RBFOX1: variants seen among roughly 807,000 people sequenced by gnomAD.
RBFOX1 encodes the protein RNA binding fox-1 homolog 1, also known as RNA binding protein fox-1 homolog 1.
A neutral mutation model predicts 57.7 loss-of-function variants in RBFOX1; 8 were observed. The observed-to-expected ratio is 0.14, with a 90% CI of 0.08 to 0.25. The LOEUF is 0.25. Among genes scored for constraint, RBFOX1 ranks in the 10% least tolerant of loss-of-function variants. The pLI, the probability that RBFOX1 is intolerant of heterozygous loss-of-function variation, is 1.00. For synonymous variants in RBFOX1, 326 were observed against 222.4 expected (o/e 1.47, Z -4.15); for missense variants, 611 against 548.5 (o/e 1.11, Z -1.14).
intron 1 of RBFOX1, among the ~76,000 whole-genome samples, chr16:6,246,636 T>C (rs933058173): frequency 2.0e-5 from 3 of 152,146 alleles, no homozygotes; most frequent in African/African-American, 7.2e-5. Flanking sequence ...TGAGAAAATA[T>C]GCCAGGATGC....
intron 2 of RBFOX1, among the ~76,000 whole-genome samples, chr16:6,440,147 G>C (rs2094346271): frequency 6.6e-6 from 1 of 151,892 alleles, no homozygotes; most frequent in Non-Finnish European, 1.5e-5. Context: ...ATGTTGGCCA[G>C]GCTGGTCTTG....
At chr16:5,289,310 T>C in intron 1 of RBFOX1, 2 of 411,916 alleles carry the variant, frequency 4.9e-6, no homozygotes, top group South Asian at 3.0e-5. Flanking sequence ...ATGGTCAGCC[T>C]CATTCCAGGA....
At chr16:6,844,358 C>A (rs2093648548) in intron 3 of RBFOX1, among the ~76,000 whole-genome samples, 1 of 152,094 alleles carries the variant, frequency 6.6e-6, no homozygotes. Flanking sequence ...TTTCCTTCCC[C>A]TCAGCAGATC....
At chr16:5,580,946 A>C (rs2046644358) in intron 2 of RBFOX1, among the ~76,000 whole-genome samples, 1 of 152,246 alleles carries the variant, frequency 6.6e-6, no homozygotes, top group African/African-American at 2.4e-5. Flanking sequence ...TGACAGGCTA[A>C]GGCAAGGGAA....
chr16:6,652,996 C>A (rs1054358150), intron 2 of RBFOX1, among the ~76,000 whole-genome samples: 1 of 152,118 alleles, frequency 6.6e-6, no homozygotes, highest in South Asian at 2.1e-4. Context: ...ATCTCATTCC[C>A]CTTTATTTTC....
intron 4 of RBFOX1, among the ~76,000 whole-genome samples, chr16:7,192,325 G>T (rs932082145): frequency 6.6e-6 from 1 of 152,134 alleles, no homozygotes; most frequent in African/African-American, 2.4e-5. Context: ...CAGTGGAGAG[G>T]TTCCATCTAA....
At chr16:7,381,855 G>C (rs909419205) in intron 4 of RBFOX1, among the ~76,000 whole-genome samples, 2 of 152,082 alleles carry the variant, frequency 1.3e-5, no homozygotes, top group Non-Finnish European at 2.9e-5. Flanking sequence ...GTGCTTTGTT[G>C]GGCATTTGGT....
chr16:6,999,811 C>T (rs1375443274), intron 3 of RBFOX1, among the ~76,000 whole-genome samples: 1 of 151,992 alleles, frequency 6.6e-6, no homozygotes, highest in Non-Finnish European at 1.5e-5. Flanking sequence ...TTGGCTCATG[C>T]CTGTAATCCC....
At chr16:7,561,691 T>C (rs554173869) in intron 5 of RBFOX1, among the ~76,000 whole-genome samples, 1 of 152,326 alleles carries the variant, frequency 6.6e-6, no homozygotes, top group African/African-American at 2.4e-5. Context: ...GAAGCATTTA[T>C]ATTAATACAA....
chr16:7,101,325 T>C (rs958749947), intron 4 of RBFOX1, among the ~76,000 whole-genome samples: 3 of 152,110 alleles, frequency 2.0e-5, no homozygotes, highest in South Asian at 2.1e-4. Flanking sequence ...TTGGAGAAAA[T>C]GCTATTCATT....
chr16:6,920,314 C>T (rs938966055), intron 3 of RBFOX1, among the ~76,000 whole-genome samples: 47 of 152,120 alleles, frequency 3.1e-4, no homozygotes, highest in African/African-American at 9.9e-4. Context: ...CTGGATCAAA[C>T]GGTAGTTCTG....
intron 3 of RBFOX1, among the ~76,000 whole-genome samples, chr16:6,982,886 G>A (rs2089295510): frequency 6.6e-6 from 1 of 151,664 alleles, no homozygotes; most frequent in Non-Finnish European, 1.5e-5. Context: ...CAAGATACTT[G>A]GGAGGCTGAG....
chr16:7,260,624 T>TGGG (rs2094881597), intron 4 of RBFOX1, among the ~76,000 whole-genome samples: 1 of 152,212 alleles, frequency 6.6e-6, no homozygotes, highest in Non-Finnish European at 1.5e-5. Flanking sequence ...AGAGTCTGGC[T>TGGG]AAAGGGCACG....
At chr16:5,408,670 A>T (rs117594213) in intron 1 of RBFOX1, among the ~76,000 whole-genome samples, 1 of 152,326 alleles carries the variant, frequency 6.6e-6, no homozygotes, top group Non-Finnish European at 1.5e-5. Flanking sequence ...TCATTGGCTC[A>T]TGGTTCTGCA....
At chr16:6,709,635 A>G (rs987481988) in intron 3 of RBFOX1, among the ~76,000 whole-genome samples, 8 of 152,126 alleles carry the variant, frequency 5.3e-5, no homozygotes, top group Admixed American at 3.3e-4. Flanking sequence ...GATTCGATCT[A>G]TGCTTATTGA....
At chr16:7,026,571 C>T (rs559291405) in intron 3 of RBFOX1, among the ~76,000 whole-genome samples, 2 of 152,126 alleles carry the variant, frequency 1.3e-5, no homozygotes, top group African/African-American at 2.4e-5. Context: ...CTCCCCGTCC[C>T]CTCTCCTGGC....
At chr16:7,478,026 C>T (rs1567388695) in intron 4 of RBFOX1, among the ~76,000 whole-genome samples, 1 of 152,288 alleles carries the variant, frequency 6.6e-6, no homozygotes, top group Non-Finnish European at 1.5e-5. Flanking sequence ...TGTTTTAAAG[C>T]CATGGAGAAA....
At chr16:7,039,773 A>T (rs927875685) in intron 3 of RBFOX1, among the ~76,000 whole-genome samples, 5 of 152,178 alleles carry the variant, frequency 3.3e-5, no homozygotes, top group African/African-American at 1.2e-4. Context: ...ATTATGTTCA[A>T]AGATTTCAGG....
intron 3 of RBFOX1, among the ~76,000 whole-genome samples, chr16:5,607,666 G>C (rs905843385): frequency 6.6e-6 from 1 of 152,124 alleles, no homozygotes; most frequent in Admixed American, 6.5e-5. Context: ...CTCTGTTGAT[G>C]TAAACTGTCC....
Sources: gnomAD v4.1 joint callset for allele counts (sites outside exome capture counted in the v4.1 genomes callset) on GRCh38, gnomAD v4.1.1 for gene constraint, MANE v1.5 for transcripts, NCBI Gene and HGNC (gene_info 2026-07-23, HGNC 2026-07-21) for gene names.